Variants in SIPA1L1 observed in about 807,000 individuals in gnomAD.
The protein encoded by SIPA1L1 is signal-induced proliferation-associated 1-like protein 1.
In SIPA1L1, 26 loss-of-function variants were observed where a neutral mutation model predicts 162.7. The ratio of observed to expected loss-of-function variants is 0.16; its 90% CI spans 0.12 to 0.22. The LOEUF (loss-of-function observed/expected upper bound fraction) is 0.22, where lower values mean the gene tolerates loss of function less well. Ranked by LOEUF, SIPA1L1 falls within the 10% of genes least tolerant of loss-of-function variation. SIPA1L1 has a pLI of 1.00. For missense variants in SIPA1L1, 1,874 were observed against 2,241.0 expected (o/e 0.84, Z 3.31); for synonymous variants, 829 against 837.4 (o/e 0.99, Z 0.17).
chr14:71,363,828 T>A (rs538028266), intron 2 of SIPA1L1, among the ~76,000 whole-genome samples: 1 of 152,300 alleles, frequency 6.6e-6, no homozygotes, highest in South Asian at 2.1e-4. Context: ...TATAACAAGG[T>A]ACAGATGATG....
At chr14:71,595,007 C>A (rs2035867212) in intron 5 of SIPA1L1, among the ~76,000 whole-genome samples, 1 of 152,148 alleles carries the variant, frequency 6.6e-6, no homozygotes, top group Admixed American at 6.5e-5. Flanking sequence ...ATCTCAAAGT[C>A]CCAGCGTGGC....
intron 5 of SIPA1L1, among the ~76,000 whole-genome samples, chr14:71,597,805 C>T (rs1237798722): frequency 6.6e-6 from 1 of 152,190 alleles, no homozygotes; most frequent in Non-Finnish European, 1.5e-5. Flanking sequence ...GAACCCCTCT[C>T]CTGCAAGGTT....
intron 2 of SIPA1L1, chr14:71,330,546 G>A (rs968951600): frequency 7.0e-7 from 1 of 1,425,298 alleles, no homozygotes; most frequent in Non-Finnish European, 9.9e-7. Flanking sequence ...AGATGAAGAT[G>A]CCTAGCTGGG....
chr14:71,645,680 G>T (rs941247084), intron 7 of SIPA1L1, among the ~76,000 whole-genome samples: 1 of 152,212 alleles, frequency 6.6e-6, no homozygotes, highest in Non-Finnish European at 1.5e-5. Flanking sequence ...TGCAAGGAGT[G>T]CTGGTATAGT....
intron 14 of SIPA1L1, among the ~76,000 whole-genome samples, chr14:71,699,694 G>A (rs2081937278): frequency 6.6e-6 from 1 of 152,200 alleles, no homozygotes; most frequent in Non-Finnish European, 1.5e-5. Flanking sequence ...GGAGGCCACA[G>A]TAGCTTTCTT....
intron 4 of SIPA1L1, among the ~76,000 whole-genome samples, chr14:71,534,547 C>G (rs542934581): frequency 6.2e-4 from 94 of 152,180 alleles, no homozygotes; most frequent in African/African-American, 2.2e-3. Flanking sequence ...GAATGGTAAT[C>G]CCTGATGAAA....
chr14:71,715,315 A>G (rs1413302906), intron 17 of SIPA1L1, among the ~76,000 whole-genome samples: 1 of 152,214 alleles, frequency 6.6e-6, no homozygotes, highest in Non-Finnish European at 1.5e-5. Context: ...AGGAGATGGC[A>G]TATTGGCCAT....
chr14:71,585,507 G>A (rs990795847), intron 4 of SIPA1L1, among the ~76,000 whole-genome samples: 1 of 152,152 alleles, frequency 6.6e-6, no homozygotes, highest in African/African-American at 2.4e-5. Context: ...GCATTTCCAA[G>A]TCAGTTTTAT....
intron 5 of SIPA1L1, among the ~76,000 whole-genome samples, chr14:71,615,315 G>A (rs184973786): frequency 2.0e-5 from 3 of 152,314 alleles, no homozygotes; most frequent in Non-Finnish European, 4.4e-5. Flanking sequence ...ACAGTGACAG[G>A]TTATGAGAAC....
intron 4 of SIPA1L1, among the ~76,000 whole-genome samples, chr14:71,544,283 G>A (rs1478915791): frequency 9.4e-6 from 1 of 106,184 alleles, no homozygotes; most frequent in East Asian, 2.2e-4. Context: ...ATACATATGT[G>A]TATATACATA....
chr14:71,471,853 T>A (rs1193723396), intron 2 of SIPA1L1, among the ~76,000 whole-genome samples: 1 of 152,148 alleles, frequency 6.6e-6, no homozygotes, highest in Non-Finnish European at 1.5e-5. Context: ...TCTTTGGGAC[T>A]GGGTGAGGTC....
intron 2 of SIPA1L1, among the ~76,000 whole-genome samples, chr14:71,382,734 GGA>G (rs1294905310): frequency 6.6e-6 from 1 of 152,166 alleles, no homozygotes; most frequent in African/African-American, 2.4e-5. Context: ...CTTAATTAAA[GGA>G]GAGAGTATTT....
chr14:71,590,032 A>ATAT (rs1307608804), intron 5 of SIPA1L1, among the ~76,000 whole-genome samples: 3 of 64,484 alleles, frequency 4.7e-5, no homozygotes, highest in African/African-American at 1.2e-4. Context: ...AAAAAAAAAA[A>ATAT]AAAAAAAAAA....
At chr14:71,393,434 T>C (rs1458290754) in intron 2 of SIPA1L1, among the ~76,000 whole-genome samples, 6 of 152,222 alleles carry the variant, frequency 3.9e-5, no homozygotes, top group African/African-American at 1.2e-4. Context: ...TGTTCTGATA[T>C]GGTGTGGAGC....
chr14:71,633,087 T>C (rs900398435), intron 7 of SIPA1L1, among the ~76,000 whole-genome samples: 8 of 151,370 alleles, frequency 5.3e-5, no homozygotes, highest in African/African-American at 1.7e-4. Flanking sequence ...TGAAAATGTT[T>C]CAATGAGCAA....
At chr14:71,397,553 G>C (rs1193984225) in intron 2 of SIPA1L1, among the ~76,000 whole-genome samples, 1 of 152,144 alleles carries the variant, frequency 6.6e-6, no homozygotes, top group Non-Finnish European at 1.5e-5. Flanking sequence ...AGGCACATAT[G>C]GTTTTGATTG....
intron 2 of SIPA1L1, among the ~76,000 whole-genome samples, chr14:71,389,664 C>A (rs1195449370): frequency 6.6e-6 from 1 of 152,096 alleles, no homozygotes; most frequent in Non-Finnish European, 1.5e-5. Context: ...TTCTTCATTT[C>A]TTTGGTAATA....
chr14:71,489,718 A>G (rs934855288), intron 2 of SIPA1L1, among the ~76,000 whole-genome samples: 14 of 152,110 alleles, frequency 9.2e-5, no homozygotes, highest in African/African-American at 3.4e-4. Flanking sequence ...AAAAAAAGAA[A>G]AAAAGAAAAA....
rs564398054 is a variant in SIPA1L1, at chr14:71,652,549, C to T, written c.1993+2040C>T. On this transcript the variant is annotated intron_variant, in intron 8 of 23. Transcript: ENST00000381232. ...ATTTCTTTATTTTTTCTGTCTTAAC[C>T]TCCCATCTCTCTGAGACTCCAATTA... 2.0e-4 allele frequency among the ~76,000 whole-genome samples: 30 copies of T among 151,982 alleles called. No homozygotes were observed. In the East Asian group the frequency reaches 5.6e-3, roughly 28 times the overall value.
Sources: gnomAD v4.1 joint callset for allele counts (sites outside exome capture counted in the v4.1 genomes callset) on GRCh38, gnomAD v4.1.1 for gene constraint, MANE v1.5 for transcripts, NCBI Gene and HGNC (gene_info 2026-07-23, HGNC 2026-07-21) for gene names.